Variants in BBX observed in about 807,000 individuals in gnomAD.
The protein encoded by BBX is BBX high mobility group box domain containing.
A neutral mutation model predicts 100.2 loss-of-function variants in BBX; 30 were observed. The ratio of observed to expected loss-of-function variants is 0.30; its 90% CI spans 0.22 to 0.41. BBX has a LOEUF of 0.41. Among genes scored for constraint, BBX ranks in the 10% least tolerant of loss-of-function variants. BBX has a pLI of 1.00. For synonymous variants in BBX, 376 were observed against 388.1 expected (o/e 0.97, Z 0.37); for missense variants, 1,023 against 1,129.8 (o/e 0.91, Z 1.35).
At chr3:107,805,338 A>G in intron 17 of BBX, 32 bp from the exon 18 acceptor site, 1 of 1,594,664 alleles carries the variant, frequency 6.3e-7, no homozygotes. Flanking sequence ...CATATGCTGA[A>G]TAAGTGACTT....
intron 2 of BBX, among the ~76,000 whole-genome samples, chr3:107,572,257 C>T (rs1436396743): frequency 6.6e-6 from 1 of 152,150 alleles, no homozygotes; most frequent in East Asian, 1.9e-4. Context: ...TCACGTAATC[C>T]TTTCGTTAGT....
chr3:107,803,216 A>T (rs1288337283), intron 17 of BBX, among the ~76,000 whole-genome samples: 4 of 152,150 alleles, frequency 2.6e-5, no homozygotes, highest in Non-Finnish European at 5.9e-5. Context: ...TATTTTTTTT[A>T]ACCTTCCATT....
intron 2 of BBX, among the ~76,000 whole-genome samples, chr3:107,568,414 G>A (rs1238786677): frequency 1.3e-5 from 2 of 151,896 alleles, no homozygotes; most frequent in South Asian, 2.1e-4. Flanking sequence ...ACAGGTGCCC[G>A]CCACCACGCT....
chr3:107,609,073 T>C (rs1318413367), intron 2 of BBX, among the ~76,000 whole-genome samples: 3 of 152,164 alleles, frequency 2.0e-5, no homozygotes, highest in Non-Finnish European at 4.4e-5. Context: ...CTGATTGCTC[T>C]AGCTAGGACT....
At chr3:107,587,848 C>T (rs1462714558) in intron 2 of BBX, among the ~76,000 whole-genome samples, 2 of 152,160 alleles carry the variant, frequency 1.3e-5, no homozygotes, top group Admixed American at 1.3e-4. Flanking sequence ...TTCATCCATC[C>T]ATCCTCTCAT....
chr3:107,698,114 T>A (rs987180770), intron 3 of BBX, among the ~76,000 whole-genome samples: 13 of 151,756 alleles, frequency 8.6e-5, no homozygotes, highest in Admixed American at 2.0e-4. Context: ...CCTAGTGAGA[T>A]GAACCCGGTA....
At chr3:107,642,401 A>G (rs141082922) in intron 2 of BBX, among the ~76,000 whole-genome samples, 1 of 152,360 alleles carries the variant, frequency 6.6e-6, no homozygotes, top group African/African-American at 2.4e-5. Context: ...TAAAGTAGGA[A>G]AAGTCTCTTA....
Position 107,805,573 on chromosome 3 carries a change from G to A in BBX, c.*116G>A. On this transcript the variant is annotated 3_prime_UTR_variant, in exon 18 of 18. Transcript: ENST00000325805. The stretch of plus-strand genomic sequence containing the variant: ...TATAGACTGCAAACAAGTGCTTGTT[G>A]CCCCACACGGCCCAGATTCACTTGA... The A allele has an allele frequency of 1.3e-6, 2 of 1,553,074 alleles. No homozygotes were observed. Among genetic ancestry groups the A allele is most frequent in the Non-Finnish European group, 1.7e-6 (2 of 1,143,068 alleles).
intron 2 of BBX, among the ~76,000 whole-genome samples, chr3:107,542,672 A>G (rs2048942316): frequency 6.6e-6 from 1 of 152,152 alleles, no homozygotes. Context: ...TATTATCTCC[A>G]CTTTGAATGA....
At chr3:107,756,713 G>A (rs2107678999) in intron 10 of BBX, among the ~76,000 whole-genome samples, 1 of 152,286 alleles carries the variant, frequency 6.6e-6, no homozygotes, top group Admixed American at 6.5e-5. Flanking sequence ...CTACCCCATT[G>A]TTGTCTGACA....
At chr3:107,656,140 G>A (rs780080793) in intron 3 of BBX, among the ~76,000 whole-genome samples, 1 of 152,004 alleles carries the variant, frequency 6.6e-6, no homozygotes, top group Non-Finnish European at 1.5e-5. Flanking sequence ...TTCATTTCAA[G>A]TTAGTGGTTT....
At chr3:107,547,121 C>G (rs1218475918) in intron 2 of BBX, among the ~76,000 whole-genome samples, 1 of 151,994 alleles carries the variant, frequency 6.6e-6, no homozygotes, top group East Asian at 1.9e-4. Flanking sequence ...GAAGTATTTC[C>G]CTAGACAACA....
chr3:107,552,703 A>G (rs983394173), intron 2 of BBX, among the ~76,000 whole-genome samples: 4 of 152,246 alleles, frequency 2.6e-5, no homozygotes, highest in Non-Finnish European at 5.9e-5. Flanking sequence ...ATTAATCACA[A>G]TTGGATTCAT....
intron 3 of BBX, among the ~76,000 whole-genome samples, chr3:107,701,238 G>A (rs1034534338): frequency 1.3e-5 from 2 of 152,142 alleles, no homozygotes; most frequent in Admixed American, 6.5e-5. Context: ...GACAAGGATT[G>A]CAGGGGAAGG....
chr3:107,744,889 A>C (rs1465351913), intron 8 of BBX, among the ~76,000 whole-genome samples, 179 bp downstream of exon 8: 1 of 152,182 alleles, frequency 6.6e-6, no homozygotes, highest in Non-Finnish European at 1.5e-5. Flanking sequence ...TTAAGAAATA[A>C]CTACATTTAT....
chr3:107,549,420 T>G (rs546591586), intron 2 of BBX, among the ~76,000 whole-genome samples: 14 of 151,154 alleles, frequency 9.3e-5, no homozygotes, highest in Non-Finnish European at 1.8e-4. Context: ...TGCTCTAGAG[T>G]GTGGTTTGTG....
At position 107,733,001 on chromosome 3, in the gene BBX, A is replaced by C; in HGVS notation, c.647A>C (p.Glu216Ala). ...CTGAGTATGCTGCTGTTAGCTGGAG[A>C]ACATGCTCTTGGCACACCAGAGGTA... ...GGLSMLLLAG[E>A]HALGTPEVSS... Residue 216 changes from glutamate (E) to alanine (A), a missense_variant, in exon 7 of 18, where the codon GAA becomes GCA. Transcript: ENST00000325805. The C allele has an allele frequency of 6.2e-7, 1 of 1,613,242 alleles. No individual in the cohort carries two copies. Among genetic ancestry groups the C allele is most frequent in the Non-Finnish European group, 8.5e-7 (1 of 1,179,604 alleles).
intron 2 of BBX, among the ~76,000 whole-genome samples, chr3:107,534,441 C>T (rs937865213): frequency 6.6e-6 from 1 of 152,132 alleles, no homozygotes; most frequent in African/African-American, 2.4e-5. Flanking sequence ...TCTTTCTTCC[C>T]TCCTAGGGTT....
chr3:107,572,307 A>AT (rs745731542), intron 2 of BBX, among the ~76,000 whole-genome samples: 4 of 151,270 alleles, frequency 2.6e-5, no homozygotes, highest in Non-Finnish European at 4.4e-5. Flanking sequence ...ACAATCATTT[A>AT]TTTTTTTTTA....
Sources: gnomAD v4.1 joint callset for allele counts (sites outside exome capture counted in the v4.1 genomes callset) on GRCh38, gnomAD v4.1.1 for gene constraint, MANE v1.5 for transcripts, NCBI Gene and HGNC (gene_info 2026-07-23, HGNC 2026-07-21) for gene names.